The following MYCBP2 variants were observed in gnomAD, a reference collection of about 807,000 sequenced individuals.
The protein encoded by MYCBP2 is MYC binding protein 2.
A neutral mutation model predicts 525.3 loss-of-function variants in MYCBP2; 120 were observed. The ratio of observed to expected loss-of-function variants is 0.23; its 90% CI spans 0.20 to 0.27. MYCBP2 has a LOEUF of 0.27. MYCBP2 is among the 10% of genes least tolerant of loss of function. The pLI, the probability that MYCBP2 is intolerant of heterozygous loss-of-function variation, is 1.00. For synonymous variants in MYCBP2, 1,894 were observed against 1,955.8 expected (o/e 0.97, Z 0.83); for missense variants, 4,149 against 5,657.1 (o/e 0.73, Z 8.55).
At chr13:77,132,821 C>A (rs1037112692) in intron 52 of MYCBP2, among the ~76,000 whole-genome samples, 1 of 152,120 alleles carries the variant, frequency 6.6e-6, no homozygotes, top group Non-Finnish European at 1.5e-5. Context: ...TTGGTAGGTG[C>A]ATAATAAATT....
At chr13:77,048,951 C>T (rs926094009) in intron 82 of MYCBP2, among the ~76,000 whole-genome samples, 6 of 152,102 alleles carry the variant, frequency 3.9e-5, no homozygotes, top group Non-Finnish European at 7.3e-5. Flanking sequence ...CTAGATTTCC[C>T]CTGAAGATAC....
intron 54 of MYCBP2, among the ~76,000 whole-genome samples, chr13:77,125,031 T>C (rs1407147339): frequency 1.3e-5 from 2 of 152,164 alleles, no homozygotes; most frequent in Non-Finnish European, 2.9e-5. Flanking sequence ...GGATAGAACG[T>C]TCAGTCCTGG....
At chr13:77,103,776 T>C (rs1239404927) in intron 55 of MYCBP2, among the ~76,000 whole-genome samples, 1 of 152,068 alleles carries the variant, frequency 6.6e-6, no homozygotes, top group Non-Finnish European at 1.5e-5. Flanking sequence ...TTTTCCAGTA[T>C]GTATCTCAGA....
chr13:77,071,310 A>C (rs74096180), intron 68 of MYCBP2, among the ~76,000 whole-genome samples: 1,721 of 85,888 alleles, frequency 0.02, 34 homozygotes, highest in African/African-American at 0.054. Flanking sequence ...CACACACACA[A>C]ATCTTATCTA....
chr13:77,275,124 A>G (rs745512154), intron 4 of MYCBP2, among the ~76,000 whole-genome samples: 1 of 152,240 alleles, frequency 6.6e-6, no homozygotes, highest in Non-Finnish European at 1.5e-5. Flanking sequence ...ATTGGCAAAC[A>G]TGACAAAGAA....
intron 43 of MYCBP2, 50 bp from the exon 44 acceptor site, chr13:77,162,005 G>T: frequency 7.7e-7 from 1 of 1,292,496 alleles, no homozygotes; most frequent in Non-Finnish European, 1.1e-6. Context: ...ATTTAGTTTA[G>T]TTTAATTTTC....
At chr13:77,297,266 A>G (rs760914429) in intron 1 of MYCBP2, among the ~76,000 whole-genome samples, 9 of 152,386 alleles carry the variant, frequency 5.9e-5, no homozygotes, top group Non-Finnish European at 8.8e-5. Flanking sequence ...GCAAGAAACA[A>G]GAAGCAAGGA....
At chr13:77,299,735 C>T (rs2078568428) in intron 1 of MYCBP2, among the ~76,000 whole-genome samples, 1 of 152,050 alleles carries the variant, frequency 6.6e-6, no homozygotes, top group African/African-American at 2.4e-5. Flanking sequence ...CTAAATCAAT[C>T]GAAGCTTAAT....
chr13:77,074,965 T>C (rs1282980250), intron 68 of MYCBP2, among the ~76,000 whole-genome samples: 1 of 152,128 alleles, frequency 6.6e-6, no homozygotes, highest in Non-Finnish European at 1.5e-5. Context: ...TCTCAGCACT[T>C]TGGGAGGCCA....
In MYCBP2 at chr13:77,296,685, A is replaced by G. The variant is rs1295401680; in HGVS notation, c.303-11T>C. The G allele has an allele frequency of 2.2e-6, 3 of 1,358,758 alleles. No homozygotes were observed. Among genetic ancestry groups the G allele is most frequent in the South Asian group, 2.7e-5 (2 of 73,800 alleles). The allele number at this position is 1,358,758 out of a possible 1,614,324, so 84.2% of individuals were successfully genotyped here. On this transcript the variant is annotated splice_polypyrimidine_tract_variant and intron_variant, in intron 1 of 82. Transcript: ENST00000544440. Reference sequence around the variant, plus strand: ...AAAATTTTCTTATTCCTAAATATTAAAAGAAAAATGGGAAAAAAATATGAA... The same window carrying G: ...AAAATTTTCTTATTCCTAAATATTAGAAGAAAAATGGGAAAAAAATATGAA...
At chr13:77,322,176 C>T (rs749628207) in intron 1 of MYCBP2, among the ~76,000 whole-genome samples, 1 of 152,124 alleles carries the variant, frequency 6.6e-6, no homozygotes, top group African/African-American at 2.4e-5. Flanking sequence ...TGAACTTTTG[C>T]TAAAATGACT....
chr13:77,186,401 G>A (rs2060719458), intron 30 of MYCBP2, among the ~76,000 whole-genome samples: 1 of 152,022 alleles, frequency 6.6e-6, no homozygotes, highest in East Asian at 1.9e-4. Flanking sequence ...AAAATGAGAA[G>A]CACTTATAAA....
Position 77,067,706 on chromosome 13 carries a change from T to G in MYCBP2, c.12330A>C (p.Leu4110=). 6.2e-7 allele frequency: 1 copy of G among 1,614,158 alleles called. No individual in the cohort carries two copies. ...WNKLGILDMF[L]GCIAKALTVQ... ...CAGTGAGTGCTTTGGCAATGCATCC[T>G]AGAAACATGTCCAAGATACCCAGCT... The change falls in exon 71 of 83, where the codon CTA becomes CTC. Residue 4110 remains leucine, a synonymous_variant. Coordinates refer to ENST00000544440, the MANE Select transcript of MYCBP2 (RefSeq NM_015057.5).
chr13:77,169,131 G>A (rs894942964), intron 39 of MYCBP2, among the ~76,000 whole-genome samples: 6 of 152,288 alleles, frequency 3.9e-5, no homozygotes, highest in Non-Finnish European at 5.9e-5. Flanking sequence ...CCAACAGGCC[G>A]GGCGCGGTGG....
chr13:77,122,497 C>G (rs925837776), intron 54 of MYCBP2, among the ~76,000 whole-genome samples: 2 of 151,712 alleles, frequency 1.3e-5, no homozygotes, highest in Non-Finnish European at 2.9e-5. Flanking sequence ...GTCAGGAGAT[C>G]GAGACCACGG....
intron 24 of MYCBP2, among the ~76,000 whole-genome samples, chr13:77,206,451 T>C (rs191517948): frequency 2.0e-5 from 3 of 152,134 alleles, no homozygotes; most frequent in Admixed American, 6.5e-5. Flanking sequence ...TAATTGGGCA[T>C]ACATAAATCT....
At chr13:77,108,315 C>T (rs1340106597) in intron 55 of MYCBP2, among the ~76,000 whole-genome samples, 1 of 152,220 alleles carries the variant, frequency 6.6e-6, no homozygotes, top group African/African-American at 2.4e-5. Flanking sequence ...GAAAATAACA[C>T]TTAGGAAAAG....
chr13:77,266,746 GAAAAA>G (rs56408804), intron 8 of MYCBP2, among the ~76,000 whole-genome samples: 4 of 89,406 alleles, frequency 4.5e-5, no homozygotes, highest in Non-Finnish European at 8.7e-5. Context: ...GACTTGTAAT[GAAAAA>G]AAAAAAAAAA....
intron 55 of MYCBP2, among the ~76,000 whole-genome samples, chr13:77,104,108 C>CA (rs1302622615): frequency 2.0e-5 from 3 of 152,024 alleles, no homozygotes; most frequent in African/African-American, 7.2e-5. Flanking sequence ...TAAAAAAACT[C>CA]ACTGTATTTA....
Sources: gnomAD v4.1 joint callset for allele counts (sites outside exome capture counted in the v4.1 genomes callset) on GRCh38, gnomAD v4.1.1 for gene constraint, MANE v1.5 for transcripts, NCBI Gene and HGNC (gene_info 2026-07-23, HGNC 2026-07-21) for gene names.